IL1RAPL2: variants seen among roughly 807,000 people sequenced by gnomAD.
IL1RAPL2 encodes interleukin 1 receptor accessory protein like 2, also known as X-linked interleukin-1 receptor accessory protein-like 2.
Under a neutral mutation model 44.1 loss-of-function variants are expected in IL1RAPL2, and 3 were observed. The observed-to-expected ratio is 0.07, with a 90% CI of 0.03 to 0.18. The LOEUF (loss-of-function observed/expected upper bound fraction) is 0.18, where lower values mean the gene tolerates loss of function less well. Among genes scored for constraint, IL1RAPL2 ranks in the 10% least tolerant of loss-of-function variants. IL1RAPL2 has a pLI of 1.00. For synonymous variants in IL1RAPL2, 181 were observed against 178.8 expected, an observed-to-expected ratio of 1.01 and a Z score of -0.10; for missense variants, 391 against 496.4, an observed-to-expected ratio of 0.79 and a Z score of 2.02.
At chrX:104,633,792 G>A (rs1330974193) in intron 1 of IL1RAPL2, among the ~76,000 whole-genome samples, 2 of 111,025 alleles carry the variant, frequency 1.8e-5, no homozygotes, top group African/African-American at 6.6e-5. Context: ...CAAAAAACCA[G>A]CCCCTGGATT....
At chrX:104,678,826 G>A (rs985816507) in intron 2 of IL1RAPL2, among the ~76,000 whole-genome samples, 1 of 111,009 alleles carries the variant, frequency 9.0e-6, no homozygotes, top group African/African-American at 3.3e-5. Context: ...CCTGTTGGGG[G>A]ATGAGGGGCG....
At chrX:104,620,526 G>C (rs1345925964) in intron 1 of IL1RAPL2, among the ~76,000 whole-genome samples, 2 of 103,299 alleles carry the variant, frequency 1.9e-5, no homozygotes, top group African/African-American at 7.1e-5. Context: ...TGTAGTCCCA[G>C]CTACTCGGGA....
At chrX:104,971,847 C>T (rs1341639249) in intron 2 of IL1RAPL2, among the ~76,000 whole-genome samples, 1 of 110,875 alleles carries the variant, frequency 9.0e-6, no homozygotes, top group African/African-American at 3.3e-5. Flanking sequence ...GGCTATGAAC[C>T]CTGGAGGCAC....
intron 3 of IL1RAPL2, among the ~76,000 whole-genome samples, chrX:105,207,021 C>T (rs2033769571): frequency 9.0e-6 from 1 of 111,544 alleles, no homozygotes; most frequent in Admixed American, 9.5e-5. Flanking sequence ...AAACTCATTG[C>T]ATGACACTAC....
chrX:104,809,480 A>G (rs980765171), intron 2 of IL1RAPL2, among the ~76,000 whole-genome samples: 3 of 111,062 alleles, frequency 2.7e-5, no homozygotes, highest in African/African-American at 9.8e-5. Flanking sequence ...ATGGCCAGTG[A>G]TGGTGAGCAT....
chrX:105,618,121 TCACACA>T (rs746820303), intron 6 of IL1RAPL2, among the ~76,000 whole-genome samples: 2 of 101,221 alleles, frequency 2.0e-5, no homozygotes, highest in African/African-American at 3.6e-5. Flanking sequence ...TCTCTCTCAC[TCACACA>T]CACACACACA....
intron 2 of IL1RAPL2, among the ~76,000 whole-genome samples, chrX:105,048,741 G>A (rs1695937950): frequency 9.0e-6 from 1 of 111,483 alleles, no homozygotes; most frequent in Non-Finnish European, 1.9e-5. Context: ...AACAGGATAT[G>A]ATTAAGCCAC....
chrX:105,371,069 C>T (rs1171595559), intron 5 of IL1RAPL2, among the ~76,000 whole-genome samples: 2 of 112,127 alleles, frequency 1.8e-5, no homozygotes, highest in African/African-American at 6.5e-5. Context: ...GTCTTTTGCC[C>T]ACTTTTTAAT....
At chrX:105,219,421 G>T in intron 3 of IL1RAPL2, 1 of 1,210,115 alleles carries the variant, frequency 8.3e-7, no homozygotes, top group South Asian at 1.8e-5. Flanking sequence ...CCCCCAATAG[G>T]TGTACTTTTC....
intron 2 of IL1RAPL2, among the ~76,000 whole-genome samples, chrX:104,940,844 A>G (rs1462925716): frequency 9.4e-6 from 1 of 106,905 alleles, no homozygotes; most frequent in Non-Finnish European, 1.9e-5. Flanking sequence ...CATCATTTAC[A>G]TTAGGTATAT....
At chrX:104,672,099 C>G (rs1602672325) in intron 2 of IL1RAPL2, among the ~76,000 whole-genome samples, 2 of 110,702 alleles carry the variant, frequency 1.8e-5, no homozygotes, top group South Asian at 3.9e-4. Context: ...CAATTGCTTT[C>G]TTTCTTTTTT....
intron 4 of IL1RAPL2, among the ~76,000 whole-genome samples, chrX:105,262,892 T>A (rs1401205421): frequency 1.8e-5 from 2 of 110,667 alleles, no homozygotes; most frequent in Admixed American, 1.9e-4. Flanking sequence ...AAAGATTTTT[T>A]TTTTTCTTTT....
At chrX:105,660,272 C>T (rs1467274598) in intron 6 of IL1RAPL2, among the ~76,000 whole-genome samples, 2 of 111,273 alleles carry the variant, frequency 1.8e-5, no homozygotes, top group African/African-American at 6.5e-5. Flanking sequence ...AATAGTATAT[C>T]CAGTGCAAAT....
intron 2 of IL1RAPL2, among the ~76,000 whole-genome samples, chrX:104,710,017 C>T (rs1291593503): frequency 9.0e-6 from 1 of 110,978 alleles, no homozygotes; most frequent in Non-Finnish European, 1.9e-5. Context: ...GAAATTAGAA[C>T]ACTCCTGCAT....
rs770514068 is a variant in IL1RAPL2 at position 105,730,359 on chromosome X, A to G, written c.903-10187A>G. On this transcript the variant is annotated intron_variant, in intron 7 of 10. Transcript: ENST00000372582. ...GCACCTAACACAGGAGCACCCAGATATATAAAGCAAATATTTTTAGATCTA... is the reference window on the plus strand; with the variant it reads ...GCACCTAACACAGGAGCACCCAGATGTATAAAGCAAATATTTTTAGATCTA... Among the ~76,000 whole-genome samples, 16 of 111,554 alleles carry G rather than the reference A, an allele frequency of 1.4e-4. No homozygotes were observed. In the East Asian group the frequency reaches 4.2e-3, roughly 30 times the overall value.
chrX:105,454,622 C>T (rs757265286), intron 5 of IL1RAPL2, among the ~76,000 whole-genome samples: 4 of 111,601 alleles, frequency 3.6e-5, no homozygotes, highest in Admixed American at 1.9e-4. Context: ...TGCCCTCTAC[C>T]GCTGGTGACC....
chrX:104,649,522 C>T (rs1930112996), intron 1 of IL1RAPL2, among the ~76,000 whole-genome samples: 2 of 111,343 alleles, frequency 1.8e-5, no homozygotes, highest in Non-Finnish European at 3.8e-5. Context: ...TTGCAAATTA[C>T]TATAGAATTA....
intron 2 of IL1RAPL2, among the ~76,000 whole-genome samples, chrX:104,792,523 A>G (rs750208763): frequency 1.8e-5 from 2 of 111,547 alleles, no homozygotes; most frequent in Non-Finnish European, 3.8e-5. Context: ...GAGTAAGGGA[A>G]CATATCACTA....
chrX:105,189,135 G>C (rs1171857469), intron 2 of IL1RAPL2, among the ~76,000 whole-genome samples: 1 of 112,668 alleles, frequency 8.9e-6, no homozygotes, highest in Non-Finnish European at 1.9e-5. Flanking sequence ...GCACAACATT[G>C]TATTCAATAA....
Sources: allele counts gnomAD v4.1 joint callset (sites outside exome capture counted in the v4.1 genomes callset), GRCh38; gene constraint gnomAD v4.1.1; transcripts MANE v1.5; gene names NCBI Gene and HGNC (gene_info 2026-07-23, HGNC 2026-07-21).